The following DYNC1LI1 variants were observed in gnomAD, a reference collection of about 807,000 sequenced individuals.
DYNC1LI1 encodes cytoplasmic dynein 1 light intermediate chain 1.
A neutral mutation model predicts 63.8 loss-of-function variants in DYNC1LI1; 19 were observed. The observed-to-expected ratio is 0.30, with a 90% CI of 0.21 to 0.44. The LOEUF is 0.44. Ranked by LOEUF, DYNC1LI1 falls within the 20% of genes least tolerant of loss-of-function variation. The probability of loss-of-function intolerance (pLI) is 1.00; values close to 1 mark genes in which losing one functional copy is unlikely to be tolerated. For missense variants in DYNC1LI1, 565 were observed against 630.2 expected, an observed-to-expected ratio of 0.90 and a Z score of 1.11; for synonymous variants, 225 against 232.3, an observed-to-expected ratio of 0.97 and a Z score of 0.28.
At chr3:32,568,847 T>C (rs1466750246) in intron 2 of DYNC1LI1, among the ~76,000 whole-genome samples, 1 of 152,190 alleles carries the variant, frequency 6.6e-6, no homozygotes, top group African/African-American at 2.4e-5. Context: ...TGAGCTTAAA[T>C]CCATTTTACC....
chr3:32,544,438 T>C (rs758602493), intron 4 of DYNC1LI1, among the ~76,000 whole-genome samples: 5 of 152,192 alleles, frequency 3.3e-5, no homozygotes, highest in Non-Finnish European at 7.3e-5. Context: ...TTTGAAACTA[T>C]ATTAAAACCT....
At chr3:32,556,357 A>G (rs988269505) in intron 2 of DYNC1LI1, among the ~76,000 whole-genome samples, 35 of 152,314 alleles carry the variant, frequency 2.3e-4, no homozygotes, top group African/African-American at 7.7e-4. Flanking sequence ...CCAGCAGTCT[A>G]TAAGTGTGTC....
chr3:32,534,466 T>C (rs374466375), intron 7 of DYNC1LI1, 45 bp downstream of exon 7: 104 of 1,363,480 alleles, frequency 7.6e-5, no homozygotes, highest in Non-Finnish European at 1.0e-4. Context: ...CATCAAATAG[T>C]AGCAATAATA....
At chr3:32,548,805 C>G (rs1456005730) in intron 2 of DYNC1LI1, among the ~76,000 whole-genome samples, 7 of 152,046 alleles carry the variant, frequency 4.6e-5, no homozygotes, top group Non-Finnish European at 1.0e-4. Context: ...CTTGATTTAG[C>G]CATTCCATAA....
intron 5 of DYNC1LI1, among the ~76,000 whole-genome samples, chr3:32,537,984 TA>T (rs1559436375): frequency 2.5e-4 from 6 of 23,572 alleles, no homozygotes; most frequent in Admixed American, 1.5e-3. Flanking sequence ...TTATATATAA[TA>T]TATATATATA....
At chr3:32,535,302 T>A (rs908717638) in intron 6 of DYNC1LI1, among the ~76,000 whole-genome samples, 7 of 152,210 alleles carry the variant, frequency 4.6e-5, no homozygotes, top group African/African-American at 1.7e-4. Flanking sequence ...ACACAGTGGA[T>A]GTAAATATTA....
At chr3:32,530,220 TA>T in intron 10 of DYNC1LI1, 63 bp downstream of exon 10, 6 of 1,344,166 alleles carry the variant, frequency 4.5e-6, no homozygotes, top group East Asian at 2.5e-5. Flanking sequence ...ACATAATTAA[TA>T]AAAAATAACT....
intron 2 of DYNC1LI1, among the ~76,000 whole-genome samples, chr3:32,550,984 A>T (rs1698029982): frequency 6.6e-6 from 1 of 151,818 alleles, no homozygotes; most frequent in African/African-American, 2.4e-5. Flanking sequence ...ATGTGTAAAA[A>T]AAATTTTAAC....
At chr3:32,532,750 A>T (rs1697718231) in intron 8 of DYNC1LI1, 1 of 555,466 alleles carries the variant, frequency 1.8e-6, no homozygotes, top group Non-Finnish European at 2.7e-6. Flanking sequence ...CTGCACTAAC[A>T]ATTGCTAATA....
intron 2 of DYNC1LI1, among the ~76,000 whole-genome samples, chr3:32,568,076 G>A (rs751684077): frequency 6.6e-6 from 1 of 151,972 alleles, no homozygotes; most frequent in Non-Finnish European, 1.5e-5. Flanking sequence ...GAGCTCAAAC[G>A]ATCCACCCCT....
intron 4 of DYNC1LI1, 34 bp downstream of exon 4, chr3:32,544,842 T>C: frequency 6.8e-7 from 1 of 1,476,114 alleles, no homozygotes; most frequent in Non-Finnish European, 9.4e-7. Context: ...CATTTTGTAT[T>C]TGAAACCTAC....
At chr3:32,540,769 C>T (rs904834855) in intron 5 of DYNC1LI1, among the ~76,000 whole-genome samples, 1 of 151,160 alleles carries the variant, frequency 6.6e-6, no homozygotes, top group Admixed American at 6.6e-5. Context: ...TTCTACTAAA[C>T]TGATTGATCA....
Position 32,537,899 on chromosome 3 carries a change from T to A in DYNC1LI1, c.739-795A>T, listed in dbSNP as rs1464976861. Among the ~76,000 whole-genome samples the A allele has an allele frequency of 1.1e-4, 9 of 85,478 alleles. No homozygotes were observed. The Admixed American group carries it at 1.4e-3, about 13-fold the overall frequency. The allele number at this position is 85,478 out of a possible 152,430, so 56.1% of individuals were successfully genotyped here. A position where few individuals can be genotyped will look rare whatever the true frequency, so the allele number is the denominator to read the frequency against. On this transcript the variant is annotated intron_variant, in intron 5 of 12. Transcript: ENST00000273130. ...TATATATATATATAATTTATATATA[T>A]AATATATATATATAATTTATATATA... is the stretch of plus-strand genomic sequence containing the variant.
intron 7 of DYNC1LI1, among the ~76,000 whole-genome samples, chr3:32,533,648 C>T (rs1245279974): frequency 6.6e-6 from 1 of 151,388 alleles, no homozygotes; most frequent in African/African-American, 2.4e-5. Context: ...TCACTGCAGC[C>T]TCTGTCTCCC....
rs773181108 is a variant in DYNC1LI1, at chr3:32,534,430, A to G, written c.968+81T>C. The G allele has an allele frequency of 2.2e-4, 231 of 1,052,032 alleles. 2 individuals are homozygous for G. Among genetic ancestry groups the G allele is most frequent in the South Asian group, 7.4e-4 (49 of 66,238 alleles). 65.2% of individuals were successfully genotyped at this position (1,052,032 alleles called of 1,614,324 possible). On this transcript the variant is annotated intron_variant, in intron 7 of 12. Coordinates refer to ENST00000273130, the MANE Select transcript of DYNC1LI1 (RefSeq NM_016141.4). ...TCATCATGGAAGGTCTATTGGTCCC[A>G]TCTCAAAACTGAAATAATGATTCAC...
chr3:32,538,289 G>A (rs1458643357), intron 5 of DYNC1LI1, among the ~76,000 whole-genome samples: 1 of 149,096 alleles, frequency 6.7e-6, no homozygotes, highest in Non-Finnish European at 1.5e-5. Flanking sequence ...ATAATTATGA[G>A]GAGCATTTCA....
In DYNC1LI1 at chr3:32,570,659, C is replaced by A. The variant is rs778624126; in HGVS notation, c.112G>T (p.Ala38Ser). Residue 38 changes from alanine to serine, a missense_variant, in exon 1 of 13, where the codon GCG (alanine) becomes TCG (serine). By Grantham distance (99) the Ala-to-Ser change is moderately conservative (BLOSUM62 1). Coordinates refer to ENST00000273130, the MANE Select transcript of DYNC1LI1 (RefSeq NM_016141.4). ...TGCCCGTCCTCGTCGTCGCCTGCCGCGGCGCCACCGTTGCCCGACGCTATC... is the reference window on the plus strand; with the variant it reads ...TGCCCGTCCTCGTCGTCGCCTGCCGAGGCGCCACCGTTGCCCGACGCTATC... ...NEIASGNGGA[A>S]AGDDEDGQNL... The A allele has an allele frequency of 4.4e-6, 7 of 1,597,870 alleles. No individual in the cohort carries two copies. The Admixed American group carries it at 1.2e-4, about 28-fold the overall frequency.
intron 2 of DYNC1LI1, among the ~76,000 whole-genome samples, chr3:32,548,327 T>G (rs1339448541): frequency 6.6e-6 from 1 of 152,168 alleles, no homozygotes; most frequent in African/African-American, 2.4e-5. Flanking sequence ...CAAGGCTGCA[T>G]GCTCCTTAGG....
chr3:32,540,987 G>A, intron 5 of DYNC1LI1, 50 bp downstream of exon 5: 1 of 1,423,722 alleles, frequency 7.0e-7, no homozygotes, highest in Non-Finnish European at 9.4e-7. Flanking sequence ...CAAAACAGTT[G>A]TTCATCCTCA....
Sources: gnomAD v4.1 joint callset for allele counts (sites outside exome capture counted in the v4.1 genomes callset) on GRCh38, gnomAD v4.1.1 for gene constraint, MANE v1.5 for transcripts, NCBI Gene and HGNC (gene_info 2026-07-23, HGNC 2026-07-21) for gene names.